IL9R: variants seen among roughly 807,000 people sequenced by gnomAD.
IL9R encodes the protein interleukin 9 receptor, also known as interleukin-9 receptor.
Under a neutral mutation model 56.3 loss-of-function variants are expected in IL9R, and 54 were observed. The ratio of observed to expected loss-of-function variants is 0.96; its 90% CI spans 0.77 to 1.20. The LOEUF (loss-of-function observed/expected upper bound fraction) is 1.20, where lower values mean the gene tolerates loss of function less well. IL9R is among the 50% of genes most tolerant of loss of function. The probability of loss-of-function intolerance (pLI) is 0.00; values close to 1 mark genes in which losing one functional copy is unlikely to be tolerated. For synonymous variants in IL9R, 212 were observed against 250.2 expected, an observed-to-expected ratio of 0.85 and a Z score of 1.44; for missense variants, 545 against 629.8, an observed-to-expected ratio of 0.87 and a Z score of 1.44.
intron 5 of IL9R, 42 bp downstream of exon 5, chrX:156,004,607 G>A (rs1341518036): frequency 6.2e-7 from 1 of 1,603,258 alleles, no homozygotes; most frequent in Non-Finnish European, 8.5e-7. Context: ...TCTCTCCTGG[G>A]AACAGCAGTC....
intron 7 of IL9R, 135 bp from the exon 8 acceptor site, chrX:156,007,388 T>C: frequency 2.9e-6 from 2 of 685,270 alleles, no homozygotes; most frequent in Non-Finnish European, 5.3e-6. Flanking sequence ...GGTTGGAATG[T>C]GATGAGATGG....
chrX:156,006,027 G>T lies in IL9R; in HGVS notation c.782-56G>T, dbSNP rs1277994292. On this transcript the variant is annotated intron_variant, in intron 6 of 8. Transcript: ENST00000244174. ...GGCGCACCTTTGCCAGGTGGGTTTG[G>T]GGGGAGCCTCCTGGCACTGAGGCTG... is the stretch of plus-strand genomic sequence containing the variant. The T allele has an allele frequency of 2.0e-4, 176 of 885,730 alleles. No individual in the cohort carries two copies. In the African/African-American group the frequency reaches 2.0e-3, roughly 10 times the overall value. The allele number at this position is 885,730 out of a possible 1,614,324, so 54.9% of individuals were successfully genotyped here. A position where few individuals can be genotyped will look rare whatever the true frequency, so the allele number is the denominator to read the frequency against.
chrX:156,001,144 G>T (rs3093482), intron 1 of IL9R, among the ~76,000 whole-genome samples: 1 of 152,044 alleles, frequency 6.6e-6, no homozygotes, highest in East Asian at 1.9e-4. Flanking sequence ...GTCTAGAAAC[G>T]AGGCCTGCTG....
intron 2 of IL9R, 107 bp downstream of exon 2, chrX:156,003,126 C>G: frequency 7.0e-7 from 1 of 1,419,208 alleles, no homozygotes; most frequent in Non-Finnish European, 9.9e-7. Flanking sequence ...TTGGCCCAAA[C>G]TGTGCTGGGG....
rs370651992 is a variant in IL9R, at chrX:156,003,741, C to T, written c.319C>T (p.Pro107Ser). The change falls in exon 4 of 9, where the codon CCA (proline) becomes TCA (serine). Residue 107 changes from proline to serine, a missense_variant. Physicochemically the swap from Pro to Ser is moderately conservative, Grantham distance 74. This residue lies in a region of IL9R where 431 missense variants were observed against 360.0 expected (regional missense o/e 1.20). Coordinates refer to ENST00000244174, the MANE Select transcript of IL9R (RefSeq NM_002186.3). The stretch of plus-strand genomic sequence containing the variant: ...GGGCAGTGAGTGCACCGTCGTGCTG[C>T]CACCTGAGGCAGTGCTCGTGCCATC... ...LRGSECTVVL[P>S]PEAVLVPSDN... 96 of 1,613,944 alleles carry T rather than the reference C, an allele frequency of 5.9e-5. No homozygotes were observed. The highest frequency in any genetic ancestry group is 5.0e-4 in the Middle Eastern group (3 of 6,056).
At chrX:155,999,921 T>C (rs1436967116) in intron 1 of IL9R, among the ~76,000 whole-genome samples, 1 of 151,676 alleles carries the variant, frequency 6.6e-6, no homozygotes, top group Non-Finnish European at 1.5e-5. Flanking sequence ...AGGCCAGGAG[T>C]ACGAGACCAG....
intron 1 of IL9R, among the ~76,000 whole-genome samples, chrX:156,000,159 T>TATATATATATATATATATATACAC (rs1569467538): frequency 8.7e-5 from 13 of 149,934 alleles, no homozygotes; most frequent in African/African-American, 3.2e-4. Context: ...TATATATATA[T>TATATATATATATATATATATACAC]ACACACATAT....
intron 1 of IL9R, among the ~76,000 whole-genome samples, chrX:156,001,800 T>C (rs1368728195): frequency 2.6e-5 from 4 of 152,182 alleles, no homozygotes; most frequent in African/African-American, 9.7e-5. Flanking sequence ...AAGCACTTCC[T>C]GACACCCAGC....
At chrX:156,006,222 G>C (rs2067938407) in intron 7 of IL9R, 34 bp downstream of exon 7, 1 of 801,986 alleles carries the variant, frequency 1.2e-6, no homozygotes, top group Non-Finnish European at 2.1e-6. Flanking sequence ...GTGTACATGT[G>C]TGAGCGGGCA....
At chrX:156,009,266 TTGTGTGTGTATGTC>T (rs2068296573) in intron 8 of IL9R, among the ~76,000 whole-genome samples, 2 of 32,738 alleles carry the variant, frequency 6.1e-5, no homozygotes, top group Non-Finnish European at 1.3e-4. Flanking sequence ...GTGTGTGTGT[TTGTGTGTGTATGTC>T]TGTGTGTGTG....
At chrX:156,001,224 T>A (rs377230766) in intron 1 of IL9R, 100 of 647,320 alleles carry the variant, frequency 1.5e-4, no homozygotes, top group African/African-American at 1.5e-3. Context: ...TGGCCTGGCC[T>A]GATTCTACAT....
intron 1 of IL9R, among the ~76,000 whole-genome samples, chrX:156,001,097 G>T (rs1416380685): frequency 2.0e-5 from 3 of 152,156 alleles, no homozygotes; most frequent in Non-Finnish European, 4.4e-5. Context: ...GCTCTCAGGT[G>T]TCACATGTGG....
intron 8 of IL9R, among the ~76,000 whole-genome samples, chrX:156,008,549 G>A (rs1350750799): frequency 6.6e-6 from 1 of 152,242 alleles, no homozygotes; most frequent in Non-Finnish European, 1.5e-5. Context: ...ACAAGGCTGA[G>A]CAGGTCAGAT....
Position 156,003,441 on chromosome X carries a change from GT to G in IL9R, c.143-7del. 1 of 1,603,398 alleles carries G rather than the reference GT, an allele frequency of 6.2e-7. No individual in the cohort carries two copies. The highest frequency in any genetic ancestry group is 8.5e-7 in the Non-Finnish European group (1 of 1,172,042). Reference sequence around the variant, plus strand: ...TTACCGTGGGCTCCTGATGGTCACTGTCTCCAGGGCCAAGGTCTAGAACCTT... The same window carrying G: ...TTACCGTGGGCTCCTGATGGTCACTGCTCCAGGGCCAAGGTCTAGAACCTT... On this transcript the variant is annotated splice_region_variant and splice_polypyrimidine_tract_variant and intron_variant, in intron 2 of 8. Coordinates refer to ENST00000244174, the MANE Select transcript of IL9R (RefSeq NM_002186.3).
chrX:156,002,650 T>G (rs1403272293), intron 1 of IL9R, among the ~76,000 whole-genome samples: 1 of 152,144 alleles, frequency 6.6e-6, no homozygotes, highest in Non-Finnish European at 1.5e-5. Context: ...GGCCAGGATC[T>G]AAGTTTGAGG....
At chrX:156,009,169 ATGTCTGTGTG>A (rs1569478915) in intron 8 of IL9R, among the ~76,000 whole-genome samples, 7 of 33,096 alleles carry the variant, frequency 2.1e-4, no homozygotes, top group Admixed American at 1.8e-3. Flanking sequence ...TTATGTGTGT[ATGTCTGTGTG>A]TGTCTGTGTG....
rs146393382 is a variant in IL9R at position 156,009,974 on chromosome X, G to A, written c.1131G>A (p.Glu377=). The A allele has an allele frequency of 1.2e-3, 1,893 of 1,557,082 alleles. 251 individuals carry two copies. In the African/African-American group the frequency reaches 0.03, roughly 25 times the overall value. ...CTGTGGCCCTGGAGGAGGAACAGGA[G>A]GGCCCTGGGACCAGGCTCCCGGGGA... ...WKSVALEEEQ[E]GPGTRLPGNL... Residue 377 remains glutamate, a synonymous_variant, in exon 9 of 9, where the codon GAG becomes GAA. Transcript: ENST00000244174.
At position 156,006,158 on chromosome X, in the gene IL9R, C is replaced by T. The variant is rs145116573; in HGVS notation, c.857C>T (p.Pro286Leu). 3.9e-4 allele frequency: 572 copies of T among 1,460,770 alleles called. 2 individuals carry two copies. In the African/African-American group the frequency reaches 7.1e-3, roughly 18 times the overall value. The allele number at this position is 1,460,770 out of a possible 1,614,324, so 90.5% of individuals were successfully genotyped here. A position where few individuals can be genotyped will look rare whatever the true frequency, so the allele number is the denominator to read the frequency against. ...AVSIFLLLTG[P>L]TYLLFKLSPR... is the part of the protein sequence containing the mutation. Reference sequence around the variant, plus strand: ...TCCATCTTTCTCCTGCTGACTGGCCCGACCTACCTCCTGTTCAAGCTGTCG... The same window carrying T: ...TCCATCTTTCTCCTGCTGACTGGCCTGACCTACCTCCTGTTCAAGCTGTCG... Residue 286 changes from proline (P) to leucine (L), a missense_variant, in exon 7 of 9, where the codon CCG (proline) becomes CTG (leucine). Physicochemically the swap from Pro to Leu is moderately conservative, Grantham distance 98. This residue lies in a region of IL9R where 431 missense variants were observed against 360.0 expected (regional missense o/e 1.20). Coordinates refer to ENST00000244174, the MANE Select transcript of IL9R (RefSeq NM_002186.3).
rs185293867 is a variant in IL9R at position 156,005,753 on chromosome X, G to T, written c.781+274G>T. On this transcript the variant is annotated intron_variant, in intron 6 of 8. Coordinates refer to ENST00000244174, the MANE Select transcript of IL9R (RefSeq NM_002186.3). ...ACCAGGGCTGGGCTCCTGCCTGGAG[G>T]CTGGACATGACCTCAGTGTCCTTAA... Among the ~76,000 whole-genome samples, 308 of 152,256 alleles carry T rather than the reference G, an allele frequency of 2.0e-3. 2 individuals are homozygous for T. Among genetic ancestry groups the T allele is most frequent in the African/African-American group, 7.1e-3 (295 of 41,546 alleles).
Sources: allele counts gnomAD v4.1 joint callset (sites outside exome capture counted in the v4.1 genomes callset), GRCh38; gene constraint gnomAD v4.1.1; regional missense constraint gnomAD v4.1.1; transcripts MANE v1.5; gene names NCBI Gene and HGNC (gene_info 2026-07-23, HGNC 2026-07-21).